The following REXO1 variants were observed in gnomAD, a reference collection of about 807,000 sequenced individuals.
The protein encoded by REXO1 is RNA exonuclease 1 homolog, also known as REX1, RNA exonuclease 1 homolog.
A neutral mutation model predicts 102.6 loss-of-function variants in REXO1; 42 were observed. The observed-to-expected ratio is 0.41, with a 90% CI of 0.32 to 0.53. The LOEUF is 0.53. Ranked by LOEUF, REXO1 falls within the 20% of genes least tolerant of loss-of-function variation. The probability of loss-of-function intolerance (pLI) is 0.27; values close to 1 mark genes in which losing one functional copy is unlikely to be tolerated. For synonymous variants in REXO1, 908 were observed against 779.1 expected, an observed-to-expected ratio of 1.17 and a Z score of -2.76; for missense variants, 1,819 against 1,732.5, an observed-to-expected ratio of 1.05 and a Z score of -0.89.
intron 6 of REXO1, 31 bp downstream of exon 6, chr19:1,820,233 G>A (rs780396413): frequency 5.6e-6 from 9 of 1,600,664 alleles, no homozygotes; most frequent in South Asian, 2.2e-5. Flanking sequence ...GTCCCCACCC[G>A]ACCGGCCAGA....
chr19:1,822,120 G>T, intron 4 of REXO1: 1 of 403,698 alleles, frequency 2.5e-6, no homozygotes, highest in South Asian at 7.8e-5. Context: ...GAGGAGGCCA[G>T]GCCTGCAGGG....
In REXO1 at chr19:1,823,682, C is replaced by T; in HGVS notation, c.2120G>A (p.Ser707Asn). ...RAQQAQRASA[S>N]LLQAPARLAE... is the part of the protein sequence containing the mutation. ...CAGCCTGGCGGGGGCCTGCAGCAAGCTCGCCGATGCCCTCTGCGCCTGCTG... is the reference window on the plus strand; with the variant it reads ...CAGCCTGGCGGGGGCCTGCAGCAAGTTCGCCGATGCCCTCTGCGCCTGCTG... Residue 707 changes from serine (S) to asparagine (N), a missense_variant, in exon 4 of 16, where the codon AGC (serine) becomes AAC (asparagine). Physicochemically the swap from Ser to Asn is conservative, Grantham distance 46. Transcript: ENST00000170168. 1 of 1,289,632 alleles carries T rather than the reference C, an allele frequency of 7.8e-7. No individual in the cohort carries two copies. The highest frequency in any genetic ancestry group is 9.9e-7 in the Non-Finnish European group (1 of 1,010,628). 79.9% of individuals were successfully genotyped at this position (1,289,632 alleles called of 1,614,324 possible). A position where few individuals can be genotyped will look rare whatever the true frequency, so the allele number is the denominator to read the frequency against.
Position 1,827,206 on chromosome 19 carries a change from T to A in REXO1, c.1583A>T (p.Asp528Val). 1.9e-6 allele frequency: 3 copies of A among 1,540,982 alleles called. No individual in the cohort carries two copies. Among genetic ancestry groups the A allele is most frequent in the Non-Finnish European group, 2.6e-6 (3 of 1,147,226 alleles). The change falls in exon 2 of 16, where the codon GAC becomes GTC. Residue 528 changes from aspartate to valine, a missense_variant. Asp to Val is a radical substitution (Grantham distance 152). Coordinates refer to ENST00000170168, the MANE Select transcript of REXO1 (RefSeq NM_020695.4). ...CGGCACCCCTGGCCCTGCGGCCTCGTCCTCACTCTCGTCCCCAAAGAGGTC... is the reference window on the plus strand; with the variant it reads ...CGGCACCCCTGGCCCTGCGGCCTCGACCTCACTCTCGTCCCCAAAGAGGTC... The part of the protein sequence containing the change: ...HADLFGDESE[D>V]EAAGPGVPSV...
In REXO1 at chr19:1,823,715, A is replaced by G; in HGVS notation, c.2087T>C (p.Leu696Pro). The G allele has an allele frequency of 7.9e-7, 1 of 1,273,760 alleles. No homozygotes were observed. The highest frequency in any genetic ancestry group is 1.0e-6 in the Non-Finnish European group (1 of 1,002,486). The allele number at this position is 1,273,760 out of a possible 1,614,324, so 78.9% of individuals were successfully genotyped here. ...RPPTAQEVCYLRAQQAQRASA... is the reference protein window; with the variant it reads ...RPPTAQEVCYPRAQQAQRASA... ...TGCCCTCTGCGCCTGCTGGGCCCGCAGGTAGCACACCTCCTGCGCCGTCGG... is the reference window on the plus strand; with the variant it reads ...TGCCCTCTGCGCCTGCTGGGCCCGCGGGTAGCACACCTCCTGCGCCGTCGG... Residue 696 changes from leucine (L) to proline (P), a missense_variant, in exon 4 of 16, where the codon CTG (leucine) becomes CCG (proline). By Grantham distance (98) the Leu-to-Pro change is moderately conservative. Coordinates refer to ENST00000170168, the MANE Select transcript of REXO1 (RefSeq NM_020695.4).
chr19:1,845,216 T>C (rs748471329), intron 1 of REXO1, among the ~76,000 whole-genome samples: 1 of 152,072 alleles, frequency 6.6e-6, no homozygotes, highest in Non-Finnish European at 1.5e-5. Context: ...ACTGGGGGGA[T>C]AGTAACGCTC....
chr19:1,817,515 C>T, intron 11 of REXO1, 186 bp from the exon 12 acceptor site: 1 of 1,464,696 alleles, frequency 6.8e-7, no homozygotes. Flanking sequence ...GACGGCTTCC[C>T]AGGATGGGAA....
intron 1 of REXO1, among the ~76,000 whole-genome samples, chr19:1,837,376 C>T (rs918718552): frequency 6.6e-5 from 10 of 152,196 alleles, no homozygotes; most frequent in Non-Finnish European, 1.2e-4. Context: ...CATGCACAGC[C>T]CACTGGACAG....
At position 1,828,415 on chromosome 19, in the gene REXO1, G is replaced by C. The variant is rs1375504486; in HGVS notation, c.374C>G (p.Pro125Arg). The stretch of plus-strand genomic sequence containing the variant: ...GTTGGGGCCGCGGGGCGCCAGGGCG[G>C]GGGCCTCGGCGGAGCGGTGCTCACG... The part of the protein sequence containing the change: ...TTREHRSAEA[P>R]ALAPRGPNAS... Residue 125 changes from proline (P) to arginine (R), a missense_variant, in exon 2 of 16, where the codon CCC (proline) becomes CGC (arginine). By Grantham distance (103) the Pro-to-Arg change is moderately radical. Coordinates refer to ENST00000170168, the MANE Select transcript of REXO1 (RefSeq NM_020695.4). The C allele has an allele frequency of 1.2e-6, 2 of 1,607,766 alleles. No individual in the cohort carries two copies. The highest frequency in any genetic ancestry group is 2.7e-5 in the African/African-American group (2 of 74,782).
Position 1,828,183 on chromosome 19 carries a change from G to A in REXO1, c.606C>T (p.Val202=). Residue 202 remains valine (V), a synonymous_variant, in exon 2 of 16, where the codon GTC becomes GTT. Coordinates refer to ENST00000170168, the MANE Select transcript of REXO1 (RefSeq NM_020695.4). The stretch of plus-strand genomic sequence containing the variant: ...GCCGGGGCTGGCTCACAGCCTTGGG[G>A]ACGTATTCCAGGGCACCGCCACCCC... ...GGGGGGALEY[V]PKAVSQPRRH... is the part of the protein sequence containing the mutation. 1 of 1,607,824 alleles carries A rather than the reference G, an allele frequency of 6.2e-7. No homozygotes were observed. The highest frequency in any genetic ancestry group is 8.5e-7 in the Non-Finnish European group (1 of 1,178,148).
In REXO1 at chr19:1,816,032, A is replaced by T; in HGVS notation, c.*34T>A. The T allele has an allele frequency of 6.5e-7, 1 of 1,540,846 alleles. No individual in the cohort carries two copies. The highest frequency in any genetic ancestry group is 8.7e-7 in the Non-Finnish European group (1 of 1,147,288). On this transcript the variant is annotated 3_prime_UTR_variant, in exon 16 of 16. Transcript: ENST00000170168. ...AGGCATGGGGCTAAGGACCAGCGGG[A>T]CGGCAGGAGAGGCGGGTGGGAGGCG...
intron 1 of REXO1, among the ~76,000 whole-genome samples, chr19:1,830,409 T>C (rs1387171703): frequency 2.6e-5 from 4 of 152,170 alleles, no homozygotes; most frequent in African/African-American, 7.2e-5. Flanking sequence ...TGTGGGAGGC[T>C]AAAGTGGGAG....
chr19:1,816,704 T>G lies in REXO1; in HGVS notation c.3311A>C (p.Asn1104Thr). The G allele has an allele frequency of 1.9e-6, 3 of 1,612,026 alleles. No individual in the cohort carries two copies. The highest frequency in any genetic ancestry group is 1.1e-5 in the South Asian group (1 of 91,030). Residue 1104 changes from asparagine (N) to threonine (T), a missense_variant, in exon 13 of 16, where the codon AAC becomes ACC. Asn to Thr is a moderately conservative substitution (Grantham distance 65). Coordinates refer to ENST00000170168, the MANE Select transcript of REXO1 (RefSeq NM_020695.4). The part of the protein sequence containing the change: ...VKPDNEIVDY[N>T]TRFSGVTEAD... Reference sequence around the variant, plus strand: ...TGGAGGGCACTGGCCACACCTGGTGTTGTAGTCCACGATCTCGTTGTCAGG... The same window carrying G: ...TGGAGGGCACTGGCCACACCTGGTGGTGTAGTCCACGATCTCGTTGTCAGG...
intron 1 of REXO1, among the ~76,000 whole-genome samples, chr19:1,835,784 A>C (rs143289901): frequency 6.6e-6 from 1 of 152,016 alleles, no homozygotes. Flanking sequence ...CTTCACCCCA[A>C]GGCCAGGACT....
At position 1,816,091 on chromosome 19, in the gene REXO1, C is replaced by T. The variant is rs201670065; in HGVS notation, c.3641G>A (p.Arg1214Gln). 2.3e-5 allele frequency: 35 copies of T among 1,547,772 alleles called. 1 individual carries two copies. Among genetic ancestry groups the T allele is most frequent in the East Asian group, 2.4e-5 (1 of 40,914 alleles). The change falls in exon 16 of 16, where the codon CGA becomes CAA. Residue 1214 changes from arginine (R) to glutamine (Q), a missense_variant. Coordinates refer to ENST00000170168, the MANE Select transcript of REXO1 (RefSeq NM_020695.4). ...ACMHLVIWKV[R>Q]EDAKTKR ...TCATCGCTTGGTCTTGGCGTCTTCTCGAACCTTCCAGATCACCAGGTGCAT... is the reference window on the plus strand; with the variant it reads ...TCATCGCTTGGTCTTGGCGTCTTCTTGAACCTTCCAGATCACCAGGTGCAT...
intron 7 of REXO1, among the ~76,000 whole-genome samples, chr19:1,819,450 A>G (rs1168866458): frequency 6.6e-6 from 1 of 152,096 alleles, no homozygotes; most frequent in Non-Finnish European, 1.5e-5. Context: ...ATGGCTTTCG[A>G]GGGCTTTGAG....
intron 8 of REXO1, 44 bp from the exon 9 acceptor site, chr19:1,818,887 C>T (rs774637577): frequency 1.8e-5 from 29 of 1,601,372 alleles, no homozygotes; most frequent in Non-Finnish European, 2.0e-5. Context: ...GGATGGCCCA[C>T]GGGGCGGTAG....
In REXO1 at chr19:1,815,828, G is replaced by C. The variant is rs1377614169; in HGVS notation, c.*238C>G. ...TCTGTCCTGGTCTCCATCAGCAGCAGTTTCTAGAGACGCCAGAGGGCTGGG... is the reference window on the plus strand; with the variant it reads ...TCTGTCCTGGTCTCCATCAGCAGCACTTTCTAGAGACGCCAGAGGGCTGGG... On this transcript the variant is annotated 3_prime_UTR_variant, in exon 16 of 16. Transcript: ENST00000170168. This position sits in a 1 kb window ranked among gnomAD's most constrained non-coding sequence, Gnocchi z 4.0. 1 of 1,499,390 alleles carries C rather than the reference G, an allele frequency of 6.7e-7. No homozygotes were observed. The highest frequency in any genetic ancestry group is 8.9e-7 in the Non-Finnish European group (1 of 1,129,328). The allele number at this position is 1,499,390 out of a possible 1,614,324, so 92.9% of individuals were successfully genotyped here.
intron 3 of REXO1, 94 bp from the exon 4 acceptor site, chr19:1,823,879 G>A (rs1052153363): frequency 3.2e-4 from 158 of 488,670 alleles, no homozygotes; most frequent in Non-Finnish European, 4.2e-4. Context: ...GCTGGAGCTC[G>A]GGGGCCGGAG....
In REXO1 at chr19:1,827,984, T is replaced by C; in HGVS notation, c.805A>G (p.Thr269Ala). The C allele has an allele frequency of 6.2e-7, 1 of 1,613,500 alleles. No individual in the cohort carries two copies. Among genetic ancestry groups the C allele is most frequent in the Non-Finnish European group, 8.5e-7 (1 of 1,179,814 alleles). Residue 269 changes from threonine to alanine, a missense_variant, in exon 2 of 16, where the codon ACA becomes GCA. Coordinates refer to ENST00000170168, the MANE Select transcript of REXO1 (RefSeq NM_020695.4). The stretch of plus-strand genomic sequence containing the variant: ...TCACAGAGCTTCTTGGGAGCAGGTG[T>C]GTAGGGCTCACTGCCGCGGGAGCCC... ...PRGSRGSEPY[T>A]PAPKKLCDPF...
Sources: allele counts gnomAD v4.1 joint callset (sites outside exome capture counted in the v4.1 genomes callset), GRCh38; gene constraint gnomAD v4.1.1; non-coding constraint Gnocchi (gnomAD v3.1); transcripts MANE v1.5; gene names NCBI Gene and HGNC (gene_info 2026-07-23, HGNC 2026-07-21).